Variants in STPG4 observed in about 807,000 individuals in gnomAD.
The protein encoded by STPG4 is protein STPG4.
In STPG4, 41 loss-of-function variants were observed where a neutral mutation model predicts 31.5. The ratio of observed to expected loss-of-function variants is 1.30; its 90% CI spans 1.01 to 1.69. The LOEUF is 1.69. Ranked by LOEUF, STPG4 falls within the 40% of genes most tolerant of loss-of-function variation. STPG4 has a pLI of 0.00. For synonymous variants in STPG4, 141 were observed against 103.0 expected, an observed-to-expected ratio of 1.37 and a Z score of -2.24; for missense variants, 375 against 293.4, an observed-to-expected ratio of 1.28 and a Z score of -2.03.
chr2:47,089,413 C>T (rs770637292), intron 6 of STPG4, among the ~76,000 whole-genome samples: 3 of 152,180 alleles, frequency 2.0e-5, no homozygotes, highest in Admixed American at 6.5e-5. Context: ...AGGAGGGCTA[C>T]GGGAGGTGAT....
chr2:47,118,096 T>C (rs940123128), intron 5 of STPG4, among the ~76,000 whole-genome samples: 4 of 152,086 alleles, frequency 2.6e-5, no homozygotes, highest in African/African-American at 7.2e-5. Flanking sequence ...CTTTAGGTTT[T>C]AAGCGAGTTG....
At chr2:47,092,785 C>T (rs1455497107) in intron 5 of STPG4, among the ~76,000 whole-genome samples, 1 of 117,328 alleles carries the variant, frequency 8.5e-6, no homozygotes, top group African/African-American at 3.2e-5. Context: ...GCACTGCAGA[C>T]CCTCCACGGT....
Position 47,153,001 on chromosome 2 carries a change from T to C in STPG4, c.97A>G (p.Thr33Ala). Reference sequence around the variant, plus strand: ...CATCCTTCTCTTTCAAAAGAGGAAGTCTTTTGGGCTGGTTTCTGTTAACAA... The same window carrying C: ...CATCCTTCTCTTTCAAAAGAGGAAGCCTTTTGGGCTGGTTTCTGTTAACAA... The part of the protein sequence containing the change: ...FITASKPAQK[T>A]SSFEREGWWR... The change falls in exon 2 of 7, where the codon ACT becomes GCT. Residue 33 changes from threonine (T) to alanine (A), a missense_variant. Transcript: ENST00000445927. 2 of 1,612,038 alleles carry C rather than the reference T, an allele frequency of 1.2e-6. No individual in the cohort carries two copies. The highest frequency in any genetic ancestry group is 1.7e-6 in the Non-Finnish European group (2 of 1,178,776).
chr2:47,091,910 T>C (rs977298516), intron 5 of STPG4, among the ~76,000 whole-genome samples: 3 of 151,724 alleles, frequency 2.0e-5, no homozygotes, highest in Admixed American at 6.6e-5. Flanking sequence ...TAATGGATGA[T>C]ATGTGCCTGG....
chr2:47,136,815 A>T lies in STPG4; in HGVS notation c.400-6555T>A, dbSNP rs7600917. On this transcript the variant is annotated intron_variant, in intron 3 of 6. Coordinates refer to ENST00000445927, the MANE Select transcript of STPG4 (RefSeq NM_001163561.2). The stretch of plus-strand genomic sequence containing the variant: ...TGGTATATATACCAGTATATAGAAA[A>T]GTAATCGACTTTTGTATATTAACCT... Among the ~76,000 whole-genome samples the T allele has an allele frequency of 8.4e-3, 1,282 of 152,330 alleles. 29 individuals are homozygous for T. Among genetic ancestry groups the T allele is most frequent in the African/African-American group, 0.028 (1,179 of 41,574 alleles).
intron 5 of STPG4, among the ~76,000 whole-genome samples, chr2:47,113,194 A>G (rs1686076874): frequency 6.6e-6 from 1 of 152,194 alleles, no homozygotes; most frequent in Admixed American, 6.5e-5. Context: ...CCCTTCTTTC[A>G]TGGGACTTAC....
At chr2:47,119,868 G>A (rs1395290821) in intron 5 of STPG4, among the ~76,000 whole-genome samples, 3 of 152,340 alleles carry the variant, frequency 2.0e-5, no homozygotes, top group Non-Finnish European at 4.4e-5. Flanking sequence ...AGGGCTAAAT[G>A]TGGGGAAAGC....
chr2:47,123,832 A>G (rs1378208416), intron 5 of STPG4, among the ~76,000 whole-genome samples: 1 of 152,180 alleles, frequency 6.6e-6, no homozygotes, highest in Non-Finnish European at 1.5e-5. Flanking sequence ...TAGTAGGTAT[A>G]TATATTTATG....
intron 3 of STPG4, among the ~76,000 whole-genome samples, chr2:47,131,112 C>T (rs530027169): frequency 1.4e-4 from 22 of 151,946 alleles, no homozygotes; most frequent in African/African-American, 5.1e-4. Context: ...CTGTACCTGA[C>T]CTGATCACAT....
At chr2:47,154,425 G>C (rs957859856) in intron 1 of STPG4, among the ~76,000 whole-genome samples, 1 of 152,130 alleles carries the variant, frequency 6.6e-6, no homozygotes, top group African/African-American at 2.4e-5. Flanking sequence ...AAGTAAACGC[G>C]ATCAATCTAA....
intron 5 of STPG4, among the ~76,000 whole-genome samples, chr2:47,109,223 T>A (rs1398631687): frequency 1.3e-5 from 2 of 152,170 alleles, no homozygotes; most frequent in African/African-American, 4.8e-5. Flanking sequence ...ACAGATTTTT[T>A]AAGAAGAAAA....
At chr2:47,096,204 A>G (rs1182832688) in intron 5 of STPG4, among the ~76,000 whole-genome samples, 4 of 152,308 alleles carry the variant, frequency 2.6e-5, no homozygotes, top group Admixed American at 2.0e-4. Context: ...CCAAAAATAA[A>G]TAAATCAATC....
At chr2:47,100,196 T>A (rs1418625475) in intron 5 of STPG4, among the ~76,000 whole-genome samples, 1 of 152,066 alleles carries the variant, frequency 6.6e-6, no homozygotes, top group Non-Finnish European at 1.5e-5. Context: ...GCTGGGCTCC[T>A]GAGTCTGGTG....
chr2:47,088,749 C>T (rs145777391), intron 6 of STPG4, among the ~76,000 whole-genome samples: 6 of 152,328 alleles, frequency 3.9e-5, no homozygotes, highest in South Asian at 2.1e-4. Flanking sequence ...CTGCAGAAAC[C>T]GCTTTAAATG....
intron 3 of STPG4, among the ~76,000 whole-genome samples, chr2:47,146,973 A>G (rs1686836232): frequency 6.6e-6 from 1 of 152,020 alleles, no homozygotes; most frequent in South Asian, 2.1e-4. Context: ...CGCCTCTTCT[A>G]AAAATTTAAA....
chr2:47,092,406 T>C (rs998995036), intron 5 of STPG4, among the ~76,000 whole-genome samples: 2 of 150,778 alleles, frequency 1.3e-5, no homozygotes, highest in South Asian at 2.1e-4. Flanking sequence ...TGTGTTCCTG[T>C]GGTCCCAGCT....
chr2:47,092,880 C>T (rs1573144472), intron 5 of STPG4, among the ~76,000 whole-genome samples: 1 of 152,038 alleles, frequency 6.6e-6, no homozygotes, highest in African/African-American at 2.4e-5. Context: ...GCAAGCTCCG[C>T]CTCCTGGGTT....
intron 5 of STPG4, among the ~76,000 whole-genome samples, chr2:47,104,083 G>A (rs933488555): frequency 6.6e-6 from 1 of 151,934 alleles, no homozygotes; most frequent in Non-Finnish European, 1.5e-5. Context: ...CAAGGCTGGA[G>A]CTATTATCTA....
chr2:47,143,304 G>A (rs1686753780), intron 3 of STPG4, among the ~76,000 whole-genome samples: 1 of 152,150 alleles, frequency 6.6e-6, no homozygotes, highest in Non-Finnish European at 1.5e-5. Flanking sequence ...GTATCTGTTT[G>A]TGTATCTCCT....
Sources: gnomAD v4.1 joint callset for allele counts (sites outside exome capture counted in the v4.1 genomes callset) on GRCh38, gnomAD v4.1.1 for gene constraint, MANE v1.5 for transcripts, NCBI Gene and HGNC (gene_info 2026-07-23, HGNC 2026-07-21) for gene names.